Variants in ERMP1 observed in about 807,000 individuals in gnomAD.
ERMP1 encodes endoplasmic reticulum metallopeptidase 1.
Under a neutral mutation model 92.0 loss-of-function variants are expected in ERMP1, and 86 were observed. The ratio of observed to expected loss-of-function variants is 0.93; its 90% CI spans 0.79 to 1.12. ERMP1 has a LOEUF of 1.12. ERMP1 is among the 50% of genes most tolerant of loss of function. The probability of loss-of-function intolerance (pLI) is 0.00; values close to 1 mark genes in which losing one functional copy is unlikely to be tolerated. For synonymous variants in ERMP1, 530 were observed against 412.8 expected (o/e 1.28, Z -3.44); for missense variants, 1,342 against 1,116.3 (o/e 1.20, Z -2.88).
upstream of ERMP1, among the ~76,000 whole-genome samples, chr9:5,837,266 T>A (rs1177151170): frequency 5.3e-5 from 8 of 152,234 alleles, no homozygotes; most frequent in Admixed American, 3.3e-4. Context: ...ACTATAGGTG[T>A]GCCACTGCAC....
chr9:5,805,288 G>C, intron 9 of ERMP1, 71 bp from the exon 10 acceptor site: 1 of 1,172,848 alleles, frequency 8.5e-7, no homozygotes, highest in Non-Finnish European at 1.2e-6. Flanking sequence ...TATAGTACTG[G>C]TGTGCCTTGG....
At chr9:5,801,030 C>T (rs1828649643) in intron 11 of ERMP1, 146 bp downstream of exon 11, 1 of 643,242 alleles carries the variant, frequency 1.6e-6, no homozygotes, top group Non-Finnish European at 2.5e-6. Context: ...TCAGTCTTCT[C>T]CTCACTGCCT....
At chr9:5,851,298 AG>A (rs879751160) in intron 6 of ERMP1, among the ~76,000 whole-genome samples, 2 of 152,188 alleles carry the variant, frequency 1.3e-5, no homozygotes, top group Non-Finnish European at 2.9e-5. Context: ...TTCCTGTCAT[AG>A]CTTTTCTTTC....
At chr9:5,824,732 G>A in intron 3 of ERMP1, among the ~76,000 whole-genome samples, 1 of 152,142 alleles carries the variant, frequency 6.6e-6, no homozygotes, top group Non-Finnish European at 1.5e-5. Flanking sequence ...AGAAAAAAAA[G>A]AGAACAGGAG....
chr9:5,800,393 G>A (rs766963839), intron 11 of ERMP1, among the ~76,000 whole-genome samples: 6 of 152,164 alleles, frequency 3.9e-5, no homozygotes, highest in Non-Finnish European at 5.9e-5. Context: ...TCCTCAAACT[G>A]GCCAGGTGTG....
rs1385176913 is a variant in ERMP1 at position 5,786,748 on chromosome 9, A to T, written c.*396T>A. 1 of 168,198 alleles carries T rather than the reference A, an allele frequency of 5.9e-6. No individual in the cohort carries two copies. Among genetic ancestry groups the T allele is most frequent in the East Asian group, 1.6e-4 (1 of 6,094 alleles). 10.4% of individuals were successfully genotyped at this position (168,198 alleles called of 1,614,324 possible). On this transcript the variant is annotated 3_prime_UTR_variant, in exon 15 of 15. Transcript: ENST00000339450. ...TATTTTACCCACCATCCACTAATAC[A>T]ACAAATGGTTTTGGGGCTTAAATTG...
rs1828001030 is a variant in ERMP1 at position 5,787,648 on chromosome 9, T to C, written c.2387-55A>G. On this transcript the variant is annotated intron_variant, in intron 13 of 14. Transcript: ENST00000339450. ...AATCTTTTTAAAAGGATCAAAAAAA[T>C]AACCCACAATCCAAACCAGACTTCA... 2.1e-5 allele frequency: 32 copies of C among 1,540,464 alleles called. 1 individual carries two copies. The South Asian group carries it at 3.7e-4, about 18-fold the overall frequency.
At chr9:5,796,968 C>A in intron 13 of ERMP1, among the ~76,000 whole-genome samples, 1 of 152,014 alleles carries the variant, frequency 6.6e-6, no homozygotes, top group Admixed American at 6.6e-5. Context: ...AGAGGAAAAT[C>A]GGGGGGCAGG....
upstream of ERMP1, among the ~76,000 whole-genome samples, chr9:5,835,349 A>C (rs1830078901): frequency 8.4e-6 from 1 of 118,640 alleles, no homozygotes; most frequent in African/African-American, 2.7e-5. Context: ...AGAGACAATG[A>C]ACGCGCGCGC....
intron 1 of ERMP1, chr9:5,832,350 G>T: frequency 3.6e-6 from 1 of 275,288 alleles, no homozygotes; most frequent in Non-Finnish European, 6.8e-6. Flanking sequence ...AAAGCAGAAG[G>T]GCTAAGCAAG....
upstream of ERMP1, among the ~76,000 whole-genome samples, chr9:5,837,901 G>A (rs539107648): frequency 3.0e-4 from 45 of 152,218 alleles, no homozygotes; most frequent in South Asian, 2.3e-3. Flanking sequence ...CCAGGAATTC[G>A]AGAGCAGCCT....
At chr9:5,831,058 T>G (rs1409103061) in intron 1 of ERMP1, 30 bp from the exon 2 acceptor site, 3 of 1,579,624 alleles carry the variant, frequency 1.9e-6, no homozygotes, top group Non-Finnish European at 2.6e-6. Flanking sequence ...TAACAAAGGT[T>G]TGTAGTTAAA....
intron 8 of ERMP1, among the ~76,000 whole-genome samples, chr9:5,806,715 C>A (rs1384666535): frequency 6.6e-6 from 1 of 152,124 alleles, no homozygotes; most frequent in Non-Finnish European, 1.5e-5. Context: ...ACTGGGATTA[C>A]AGGTGTGAGC....
upstream of ERMP1, among the ~76,000 whole-genome samples, chr9:5,837,092 G>A (rs1830104055): frequency 2.0e-5 from 3 of 152,122 alleles, no homozygotes; most frequent in South Asian, 4.1e-4. Context: ...CTCTGATTCT[G>A]GAATACTCTA....
rs752899080 is a variant in ERMP1, at chr9:5,832,674, A to G, written c.338+16T>C. 3 of 1,410,244 alleles carry G rather than the reference A, an allele frequency of 2.1e-6. No homozygotes were observed. The highest frequency in any genetic ancestry group is 1.5e-5 in the African/African-American group (1 of 66,644). The allele number at this position is 1,410,244 out of a possible 1,614,324, so 87.4% of individuals were successfully genotyped here. A position where few individuals can be genotyped will look rare whatever the true frequency, so the allele number is the denominator to read the frequency against. On this transcript the variant is annotated intron_variant, in intron 1 of 14. Coordinates refer to ENST00000339450, the MANE Select transcript of ERMP1 (RefSeq NM_024896.3). ...AAACGGACGCGCGGGCCGTGCCAGG[A>G]GGGAGCGGCCGGTACCTGGCTTGGA...
intron 11 of ERMP1, 144 bp from the exon 12 acceptor site, chr9:5,799,152 C>A (rs1357562560): frequency 3.3e-6 from 2 of 602,326 alleles, no homozygotes; most frequent in African/African-American, 3.7e-5. Context: ...TTCTAAGGTA[C>A]TGCTAGCGTT....
rs113715176 is a variant in ERMP1 at position 5,822,827 on chromosome 9, T to A, written c.874+1069A>T. On this transcript the variant is annotated intron_variant, in intron 4 of 14. Coordinates refer to ENST00000339450, the MANE Select transcript of ERMP1 (RefSeq NM_024896.3). ...ATTAAAACCCATTTATGCCTGAGGT[T>A]GCAATTTTTTTAATTTTTGCATGTG... 4.3e-3 allele frequency among the ~76,000 whole-genome samples: 649 copies of A among 152,326 alleles called. 1 individual carries two copies. The highest frequency in any genetic ancestry group is 0.015 in the African/African-American group (612 of 41,572).
At chr9:5,844,119 C>T (rs1402293105) in intron 6 of ERMP1, among the ~76,000 whole-genome samples, 1 of 152,078 alleles carries the variant, frequency 6.6e-6, no homozygotes, top group African/African-American at 2.4e-5. Context: ...AAAATCTTTC[C>T]TCTTAAAATT....
chr9:5,812,760 G>A lies in ERMP1; in HGVS notation c.1021+129C>T. On this transcript the variant is annotated intron_variant, in intron 5 of 14. Coordinates refer to ENST00000339450, the MANE Select transcript of ERMP1 (RefSeq NM_024896.3). ...AAGGAAACAAACTCTGTTTTAGTGA[G>A]TCAATGTATATTTCTCACATAAAGA... 3 of 1,012,350 alleles carry A rather than the reference G, an allele frequency of 3.0e-6. No homozygotes were observed. The South Asian group carries it at 4.0e-5, about 13-fold the overall frequency. The allele number at this position is 1,012,350 out of a possible 1,614,324, so 62.7% of individuals were successfully genotyped here.
Sources: gnomAD v4.1 joint callset for allele counts (sites outside exome capture counted in the v4.1 genomes callset) on GRCh38, gnomAD v4.1.1 for gene constraint, MANE v1.5 for transcripts, NCBI Gene and HGNC (gene_info 2026-07-23, HGNC 2026-07-21) for gene names.